The following SMYD3 variants were observed in gnomAD, a reference collection of about 807,000 sequenced individuals.
The protein encoded by SMYD3 is SET and MYND domain containing 3, also known as histone-lysine N-methyltransferase SMYD3.
SMYD3 carries 36 observed loss-of-function variants against 57.7 expected under a neutral mutation model. The ratio of observed to expected loss-of-function variants is 0.62; its 90% CI spans 0.48 to 0.82. SMYD3 has a LOEUF of 0.82. Ranked by LOEUF, SMYD3 falls within the 40% of genes least tolerant of loss-of-function variation. The pLI, the probability that SMYD3 is intolerant of heterozygous loss-of-function variation, is 0.00. For missense variants in SMYD3, 515 were observed against 538.8 expected, an observed-to-expected ratio of 0.96 and a Z score of 0.44; for synonymous variants, 211 against 195.0, an observed-to-expected ratio of 1.08 and a Z score of -0.68.
intron 5 of SMYD3, among the ~76,000 whole-genome samples, chr1:246,068,882 C>T (rs964352042): frequency 6.6e-6 from 1 of 152,136 alleles, no homozygotes; most frequent in African/African-American, 2.4e-5. Flanking sequence ...TATGCCTTAC[C>T]TTACCCCTTA....
intron 5 of SMYD3, among the ~76,000 whole-genome samples, chr1:246,215,183 G>A (rs1412620064): frequency 6.6e-6 from 1 of 152,124 alleles, no homozygotes; most frequent in Admixed American, 6.5e-5. Flanking sequence ...TTCCAATGGA[G>A]ATCCGGACAG....
intron 5 of SMYD3, among the ~76,000 whole-genome samples, chr1:245,935,705 A>C (rs1045275874): frequency 6.6e-6 from 1 of 152,236 alleles, no homozygotes; most frequent in Non-Finnish European, 1.5e-5. Context: ...TTCAGCCCTT[A>C]AAAAGAAGGA....
At chr1:245,998,784 A>T (rs373835133) in intron 5 of SMYD3, among the ~76,000 whole-genome samples, 5 of 152,236 alleles carry the variant, frequency 3.3e-5, no homozygotes, top group Admixed American at 2.6e-4. Flanking sequence ...AACAGAAAAA[A>T]TGTGGTGTAG....
chr1:245,858,684 T>G lies in SMYD3; in HGVS notation c.902-14A>C, dbSNP rs1159351511. 1 of 1,606,488 alleles carries G rather than the reference T, an allele frequency of 6.2e-7. No individual in the cohort carries two copies. Among genetic ancestry groups the G allele is most frequent in the Non-Finnish European group, 8.5e-7 (1 of 1,176,878 alleles). ...CCTGCTCCCACTCTGTTATTAACCT[T>G]AGTTAAGGATTCATTGTCTTCATCA... On this transcript the variant is annotated splice_polypyrimidine_tract_variant and intron_variant, in intron 9 of 11. Transcript: ENST00000490107.
chr1:245,776,864 T>C (rs888401025), intron 10 of SMYD3, among the ~76,000 whole-genome samples: 3 of 152,264 alleles, frequency 2.0e-5, no homozygotes, highest in Non-Finnish European at 2.9e-5. Context: ...CAACATGCTT[T>C]TGTAAATAAG....
chr1:246,477,849 T>C (rs1419317929), intron 1 of SMYD3, among the ~76,000 whole-genome samples: 1 of 152,164 alleles, frequency 6.6e-6, no homozygotes, highest in Admixed American at 6.6e-5. Context: ...AGAATGAATC[T>C]GTAATTTAAA....
chr1:246,281,309 T>A (rs778471173), intron 5 of SMYD3, among the ~76,000 whole-genome samples: 1 of 152,194 alleles, frequency 6.6e-6, no homozygotes, highest in Non-Finnish European at 1.5e-5. Context: ...CTTTGTGAAC[T>A]CACTGTGCTT....
At chr1:245,831,496 C>T (rs1264524082) in intron 10 of SMYD3, among the ~76,000 whole-genome samples, 1 of 152,194 alleles carries the variant, frequency 6.6e-6, no homozygotes, top group Non-Finnish European at 1.5e-5. Context: ...ACAGTCTTGT[C>T]CCAGAAGAAC....
chr1:245,909,237 C>T (rs559068157), intron 8 of SMYD3, among the ~76,000 whole-genome samples: 105 of 152,214 alleles, frequency 6.9e-4, no homozygotes, highest in African/African-American at 2.4e-3. Context: ...CACACACAAA[C>T]TACCAAGGTT....
At chr1:245,823,700 C>G (rs2049307973) in intron 10 of SMYD3, among the ~76,000 whole-genome samples, 1 of 152,166 alleles carries the variant, frequency 6.6e-6, no homozygotes, top group South Asian at 2.1e-4. Context: ...TTCAGGGAAG[C>G]CTTTAAGTAG....
chr1:246,302,147 A>G (rs1261202602), intron 5 of SMYD3, among the ~76,000 whole-genome samples: 1 of 152,190 alleles, frequency 6.6e-6, no homozygotes, highest in South Asian at 2.1e-4. Flanking sequence ...CTTAAGCAAC[A>G]AAATAATAAG....
intron 5 of SMYD3, among the ~76,000 whole-genome samples, chr1:246,116,292 G>A (rs1354530456): frequency 6.6e-6 from 1 of 151,356 alleles, no homozygotes; most frequent in East Asian, 1.9e-4. Flanking sequence ...AACCAGTAGA[G>A]TACAGCTAAC....
At chr1:246,412,726 C>A (rs1207681485) in intron 1 of SMYD3, among the ~76,000 whole-genome samples, 1 of 151,832 alleles carries the variant, frequency 6.6e-6, no homozygotes, top group Non-Finnish European at 1.5e-5. Flanking sequence ...GGTGTGGTGG[C>A]CGGTGCCTGT....
chr1:246,275,164 C>T (rs2064304994), intron 5 of SMYD3, among the ~76,000 whole-genome samples: 1 of 152,188 alleles, frequency 6.6e-6, no homozygotes, highest in Non-Finnish European at 1.5e-5. Context: ...CAGGGGCAGG[C>T]AACTGTTTTC....
intron 1 of SMYD3, 53 bp downstream of exon 1, chr1:246,507,001 C>CCCCCCCCCCA: frequency 2.6e-6 from 3 of 1,159,184 alleles, no homozygotes; most frequent in Non-Finnish European, 3.5e-6. Context: ...CCCCCCCTCC[C>CCCCCCCCCCA]CAGCACCCCA....
intron 5 of SMYD3, among the ~76,000 whole-genome samples, chr1:246,103,377 A>G (rs555512095): frequency 1.8e-4 from 27 of 152,060 alleles, no homozygotes; most frequent in Non-Finnish European, 3.2e-4. Context: ...GGATGCAAAA[A>G]TTATCTGTAT....
At chr1:246,477,612 T>C (rs1465263441) in intron 1 of SMYD3, among the ~76,000 whole-genome samples, 1 of 152,256 alleles carries the variant, frequency 6.6e-6, no homozygotes, top group Non-Finnish European at 1.5e-5. Context: ...TGTAGTAAAT[T>C]CAATTACATA....
intron 5 of SMYD3, among the ~76,000 whole-genome samples, chr1:245,988,127 C>G (rs1470592696): frequency 6.6e-6 from 1 of 151,546 alleles, no homozygotes; most frequent in Non-Finnish European, 1.5e-5. Context: ...CACACACACA[C>G]ACACACACAC....
At chr1:246,428,821 C>CTGATTCAAAGCCATGCAATCTACACCACA (rs1558460734) in intron 1 of SMYD3, among the ~76,000 whole-genome samples, 14 of 84,814 alleles carry the variant, frequency 1.7e-4, no homozygotes, top group South Asian at 1.3e-3. Flanking sequence ...TGCTCTTAAC[C>CTGATTCAAAGCCATGCAATCTACACCACA]GCCGATGCTC....
Sources: gnomAD v4.1 joint callset for allele counts (sites outside exome capture counted in the v4.1 genomes callset) on GRCh38, gnomAD v4.1.1 for gene constraint, MANE v1.5 for transcripts, NCBI Gene and HGNC (gene_info 2026-07-23, HGNC 2026-07-21) for gene names.